The following CAGE1 variants were observed in gnomAD, a reference collection of about 807,000 sequenced individuals.
CAGE1 encodes cancer antigen 1, also known as cancer-associated gene 1 protein.
In CAGE1, 66 loss-of-function variants were observed where a neutral mutation model predicts 94.9. The observed-to-expected ratio is 0.70, with a 90% CI of 0.57 to 0.85. The LOEUF (loss-of-function observed/expected upper bound fraction) is 0.85. Ranked by LOEUF, CAGE1 falls within the 40% of genes least tolerant of loss-of-function variation. The pLI is 0.00. For missense variants in CAGE1, 865 were observed against 950.4 expected (o/e 0.91, Z 1.18); for synonymous variants, 319 against 321.0 (o/e 0.99, Z 0.07).
intron 9 of CAGE1, among the ~76,000 whole-genome samples, chr6:7,356,738 T>C (rs1325144180): frequency 6.6e-6 from 1 of 152,206 alleles, no homozygotes; most frequent in Non-Finnish European, 1.5e-5. Context: ...AAAGCAATTA[T>C]AGAAGAAAAA....
Position 7,373,616 on chromosome 6 carries a change from A to G in CAGE1, c.1203T>C (p.Asn401=). ...NTQKHLQESR[N]DKEMLQLQFK... ...ATTGAAGCTGTAACATTTCCTTGTC[A>G]TTCCTGGATTCCTGAAGATGTTTTT... Residue 401 remains asparagine (N), a synonymous_variant, in exon 5 of 14, where the codon AAT becomes AAC. Coordinates refer to ENST00000502583, the MANE Select transcript of CAGE1 (RefSeq NM_001170692.2). The G allele has an allele frequency of 1.2e-6, 2 of 1,613,360 alleles. No individual in the cohort carries two copies. Among genetic ancestry groups the G allele is most frequent in the Non-Finnish European group, 1.7e-6 (2 of 1,179,768 alleles).
intron 11 of CAGE1, chr6:7,338,899 G>A: frequency 6.5e-7 from 1 of 1,532,904 alleles, no homozygotes; most frequent in East Asian, 2.3e-5. Flanking sequence ...TCTGTTCTGA[G>A]ATGGGGGTGG....
Position 7,335,668 on chromosome 6 carries a change from C to T in CAGE1, c.2370-1578G>A, listed in dbSNP as rs568124553. Reference sequence around the variant, plus strand: ...AATCACAGCTCACTGCAGCCTCAAACTCCCGGGCTGAAGCAATCCTCTCAG... The same window carrying T: ...AATCACAGCTCACTGCAGCCTCAAATTCCCGGGCTGAAGCAATCCTCTCAG... On this transcript the variant is annotated intron_variant, in intron 11 of 13. Coordinates refer to ENST00000502583, the MANE Select transcript of CAGE1 (RefSeq NM_001170692.2). 2.6e-3 allele frequency among the ~76,000 whole-genome samples: 394 copies of T among 152,350 alleles called. 3 individuals are homozygous for T. Among genetic ancestry groups the T allele is most frequent in the Middle Eastern group, 3.4e-3 (1 of 294 alleles).
intron 10 of CAGE1, 53 bp downstream of exon 10, chr6:7,355,972 G>A (rs1050414627): frequency 2.4e-5 from 25 of 1,040,004 alleles, no homozygotes; most frequent in Non-Finnish European, 3.5e-5. Flanking sequence ...ACTTCGGCCT[G>A]GGTGACAGAG....
At position 7,378,051 on chromosome 6, in the gene CAGE1, T is replaced by G. The variant is rs1172227619; in HGVS notation, c.687+566A>C. Among the ~76,000 whole-genome samples the G allele has an allele frequency of 2.0e-5, 3 of 152,338 alleles. No homozygotes were observed. The East Asian group carries it at 5.8e-4, about 29-fold the overall frequency. Reference sequence around the variant, plus strand: ...TTAGTGCCTCTGCACTCCTTCCTCTTCTTGACCTTTCCATCAGTGTAAACT... The same window carrying G: ...TTAGTGCCTCTGCACTCCTTCCTCTGCTTGACCTTTCCATCAGTGTAAACT... On this transcript the variant is annotated intron_variant, in intron 4 of 13. Coordinates refer to ENST00000502583, the MANE Select transcript of CAGE1 (RefSeq NM_001170692.2).
intron 6 of CAGE1, among the ~76,000 whole-genome samples, chr6:7,369,717 A>G (rs1424701191): frequency 6.6e-6 from 1 of 152,168 alleles, no homozygotes; most frequent in Non-Finnish European, 1.5e-5. Context: ...TACGCTTGTG[A>G]GCATTAGGTG....
At chr6:7,369,898 C>G in intron 6 of CAGE1, 21 bp downstream of exon 6, 1 of 1,591,314 alleles carries the variant, frequency 6.3e-7, no homozygotes, top group Non-Finnish European at 8.5e-7. Context: ...ACTAAAATAT[C>G]TAATATATAT....
chr6:7,346,044 ATGTG>A (rs67066962), intron 11 of CAGE1, among the ~76,000 whole-genome samples: 3,651 of 152,288 alleles, frequency 0.024, 71 homozygotes, highest in African/African-American at 0.051. Flanking sequence ...TGTTCTGATG[ATGTG>A]TGTATTTGAT....
chr6:7,356,040 G>A lies in CAGE1; in HGVS notation c.2283C>T (p.Gly761=), dbSNP rs1196076507. The A allele has an allele frequency of 5.9e-6, 9 of 1,534,464 alleles. No individual in the cohort carries two copies. The South Asian group carries it at 9.6e-5, about 16-fold the overall frequency. The change falls in exon 10 of 14, where the codon GGC becomes GGT. Residue 761 remains glycine (G), a synonymous_variant. Transcript: ENST00000502583. The part of the protein sequence containing the change: ...EENDKYQRHL[G]NLIKKVTSYE... ...AAATGTCTACCTTCTTTATTAAGTT[G>A]CCTAAATGTCTTTGATACTTGTCAT... is the stretch of plus-strand genomic sequence containing the variant.
At chr6:7,371,447 G>T (rs1181260120) in intron 5 of CAGE1, among the ~76,000 whole-genome samples, 2 of 152,036 alleles carry the variant, frequency 1.3e-5, no homozygotes, top group African/African-American at 4.8e-5. Flanking sequence ...GTCCACTAAG[G>T]ACATCTTAAG....
chr6:7,377,213 T>C (rs114301926), intron 4 of CAGE1, among the ~76,000 whole-genome samples: 2,118 of 152,288 alleles, frequency 0.014, 48 homozygotes, highest in African/African-American at 0.048. Context: ...TGCCATGTAA[T>C]AGATGCCTAA....
intron 11 of CAGE1, among the ~76,000 whole-genome samples, chr6:7,342,349 G>A (rs374251555): frequency 1.3e-5 from 2 of 152,008 alleles, no homozygotes; most frequent in African/African-American, 2.4e-5. Flanking sequence ...TTCTTCCAGC[G>A]GCAGGGCCCT....
Position 7,378,672 on chromosome 6 carries a change from C to G in CAGE1, c.632G>C (p.Ser211Thr). ...LKFTEKSLAK[S>T]IAKESALNPS... ...GTTGAGGGCAGATTCCTTGGCAATACTTTTAGCCAGTGACTTTTCTGTAAA... is the reference window on the plus strand; with the variant it reads ...GTTGAGGGCAGATTCCTTGGCAATAGTTTTAGCCAGTGACTTTTCTGTAAA... The change falls in exon 4 of 14, where the codon AGT (serine) becomes ACT (threonine). Residue 211 changes from serine to threonine, a missense_variant. Physicochemically the swap from Ser to Thr is moderately conservative, Grantham distance 58 (BLOSUM62 1). Transcript: ENST00000502583. 1 of 1,612,278 alleles carries G rather than the reference C, an allele frequency of 6.2e-7. No homozygotes were observed. The highest frequency in any genetic ancestry group is 8.5e-7 in the Non-Finnish European group (1 of 1,179,394).
At chr6:7,344,114 G>A (rs1246500604) in intron 11 of CAGE1, among the ~76,000 whole-genome samples, 1 of 152,248 alleles carries the variant, frequency 6.6e-6, no homozygotes, top group Admixed American at 6.5e-5. Flanking sequence ...TCCCACTTTG[G>A]TGGCACTTGA....
chr6:7,326,672 G>T lies in CAGE1; in HGVS notation c.*186C>A, dbSNP rs1758553471. On this transcript the variant is annotated 3_prime_UTR_variant, in exon 14 of 14. Transcript: ENST00000502583. ...TGTATTCTTCTGTTTATGTTAAATA[G>T]AATATATTTGATTATTCACAGGAAG... 1.7e-6 allele frequency: 1 copy of T among 591,878 alleles called. No individual in the cohort carries two copies. Among genetic ancestry groups the T allele is most frequent in the African/African-American group, 1.9e-5 (1 of 53,284 alleles). 36.7% of individuals were successfully genotyped at this position (591,878 alleles called of 1,614,324 possible).
In CAGE1 at chr6:7,354,530, T is replaced by A. The variant is rs372562610; in HGVS notation, c.2369+511A>T. ...CTCCAGTGATAGCCAGCACAGCATA[T>A]ATGAAATTGGGGGAAGGATGGAAGA... On this transcript the variant is annotated intron_variant, in intron 11 of 13. Coordinates refer to ENST00000502583, the MANE Select transcript of CAGE1 (RefSeq NM_001170692.2). Among the ~76,000 whole-genome samples the A allele has an allele frequency of 2.6e-3, 403 of 152,210 alleles. 4 individuals carry two copies. The highest frequency in any genetic ancestry group is 9.2e-3 in the African/African-American group (383 of 41,544).
chr6:7,381,666 A>G (rs1330674025), intron 3 of CAGE1, among the ~76,000 whole-genome samples: 1 of 144,636 alleles, frequency 6.9e-6, no homozygotes, highest in African/African-American at 2.6e-5. Context: ...GTAGCTGGGA[A>G]TACAAGCGTG....
intron 11 of CAGE1, among the ~76,000 whole-genome samples, chr6:7,344,305 A>G (rs1759320154): frequency 6.6e-6 from 1 of 152,080 alleles, no homozygotes; most frequent in South Asian, 2.1e-4. Context: ...CGGGTCCCGC[A>G]CTCGGAGCAG....
At chr6:7,380,095 G>T (rs988691785) in intron 3 of CAGE1, among the ~76,000 whole-genome samples, 1 of 151,986 alleles carries the variant, frequency 6.6e-6, no homozygotes, top group African/African-American at 2.4e-5. Context: ...TTTTCATACG[G>T]GACTTGCTTT....
Sources: gnomAD v4.1 joint callset for allele counts (sites outside exome capture counted in the v4.1 genomes callset) on GRCh38, gnomAD v4.1.1 for gene constraint, MANE v1.5 for transcripts, NCBI Gene and HGNC (gene_info 2026-07-23, HGNC 2026-07-21) for gene names.